ARHGEF4: variants seen among roughly 807,000 people sequenced by gnomAD.
ARHGEF4 encodes Rho guanine nucleotide exchange factor 4.
A neutral mutation model predicts 162.0 loss-of-function variants in ARHGEF4; 119 were observed. That is an observed-to-expected ratio of 0.73 (90% CI 0.63 to 0.86). The LOEUF is 0.86. Ranked by LOEUF, ARHGEF4 falls within the 40% of genes least tolerant of loss-of-function variation. The pLI is 0.00. For missense variants in ARHGEF4, 2,488 were observed against 2,456.0 expected, an observed-to-expected ratio of 1.01 and a Z score of -0.28; for synonymous variants, 1,014 against 979.9, an observed-to-expected ratio of 1.03 and a Z score of -0.65.
chr2:131,024,281 C>T (rs944416959), intron 4 of ARHGEF4, among the ~76,000 whole-genome samples: 15 of 152,042 alleles, frequency 9.9e-5, no homozygotes, highest in African/African-American at 2.2e-4. Flanking sequence ...GTTTTTTGGG[C>T]GGGGGGTGTT....
chr2:130,914,360 G>A lies in ARHGEF4; in HGVS notation c.414G>A (p.Glu138=). ...KEELDLSPSL[E]DDSCKNGWRA... ...AACTCGATTTGTCCCCTAGCTTAGA[G>A]GATGACTCTTGCAAAAATGGGTGGC... is the stretch of plus-strand genomic sequence containing the variant. Residue 138 remains glutamate (E), a synonymous_variant, in exon 2 of 14, where the codon GAG becomes GAA. Coordinates refer to ENST00000409359, the MANE Select transcript of ARHGEF4 (RefSeq NM_001367493.1). The A allele has an allele frequency of 1.4e-6, 2 of 1,452,626 alleles. No homozygotes were observed. Among genetic ancestry groups the A allele is most frequent in the Non-Finnish European group, 1.8e-6 (2 of 1,108,274 alleles). The allele number at this position is 1,452,626 out of a possible 1,614,324, so 90.0% of individuals were successfully genotyped here. A position where few individuals can be genotyped will look rare whatever the true frequency, so the allele number is the denominator to read the frequency against.
At chr2:130,934,960 C>T (rs1682849718) in intron 3 of ARHGEF4, among the ~76,000 whole-genome samples, 1 of 152,058 alleles carries the variant, frequency 6.6e-6, no homozygotes, top group African/African-American at 2.4e-5. Flanking sequence ...TCTTATAATC[C>T]TTTTAAATTT....
intron 1 of ARHGEF4, among the ~76,000 whole-genome samples, chr2:130,856,659 T>C (rs1681807149): frequency 1.3e-5 from 2 of 152,216 alleles, no homozygotes; most frequent in Non-Finnish European, 2.9e-5. Flanking sequence ...CCATGTATCA[T>C]TGTATTGGTG....
Position 130,914,766 on chromosome 2 carries a change from A to G in ARHGEF4, c.820A>G (p.Thr274Ala). 7.0e-7 allele frequency: 1 copy of G among 1,433,390 alleles called. No individual in the cohort carries two copies. The highest frequency in any genetic ancestry group is 9.1e-7 in the Non-Finnish European group (1 of 1,099,386). The allele number at this position is 1,433,390 out of a possible 1,614,324, so 88.8% of individuals were successfully genotyped here. ...GGGGACCAGGACAAAGAAGGAAAGT[A>G]CTCTAGGCCCTGCAGGGGACACAGA... Reference protein sequence around the residue: ...PLGTRTKKESTLGPAGDTELL... With the variant: ...PLGTRTKKESALGPAGDTELL... Residue 274 changes from threonine (T) to alanine (A), a missense_variant, in exon 2 of 14, where the codon ACT becomes GCT. Thr to Ala is a moderately conservative substitution (Grantham distance 58, BLOSUM62 0). This residue lies in a region of ARHGEF4 where 1,642 missense variants were observed against 1,481.5 expected (regional missense o/e 1.11). Coordinates refer to ENST00000409359, the MANE Select transcript of ARHGEF4 (RefSeq NM_001367493.1).
At chr2:130,848,029 G>T (rs897748393) in intron 1 of ARHGEF4, among the ~76,000 whole-genome samples, 1 of 152,234 alleles carries the variant, frequency 6.6e-6, no homozygotes, top group Non-Finnish European at 1.5e-5. Context: ...TGGTTGCAGG[G>T]GCTCTTCCAG....
At chr2:130,867,242 A>ATT (rs925137515) in intron 1 of ARHGEF4, among the ~76,000 whole-genome samples, 1 of 142,464 alleles carries the variant, frequency 7.0e-6, no homozygotes, top group South Asian at 2.1e-4. Context: ...TATTATTATT[A>ATT]TTTTTTTTTT....
chr2:130,958,046 G>T (rs1331971810), intron 4 of ARHGEF4, among the ~76,000 whole-genome samples: 1 of 151,590 alleles, frequency 6.6e-6, no homozygotes, highest in Non-Finnish European at 1.5e-5. Context: ...CAGGGGTAAA[G>T]GCTCCCCAAG....
intron 4 of ARHGEF4, among the ~76,000 whole-genome samples, chr2:131,015,630 T>C (rs571178737): frequency 1.3e-5 from 2 of 152,314 alleles, no homozygotes; most frequent in South Asian, 4.1e-4. Flanking sequence ...TGGCTCACGC[T>C]TGGAATCCCA....
At chr2:130,855,904 T>C (rs1202460208) in intron 1 of ARHGEF4, among the ~76,000 whole-genome samples, 2 of 152,198 alleles carry the variant, frequency 1.3e-5, no homozygotes, top group Non-Finnish European at 2.9e-5. Context: ...CAAGTATTAG[T>C]ATCAGAATTG....
intron 4 of ARHGEF4, 63 bp from the exon 5 acceptor site, chr2:131,027,882 G>T: frequency 6.3e-7 from 1 of 1,592,502 alleles, no homozygotes; most frequent in Non-Finnish European, 8.6e-7. Flanking sequence ...CCTTCTCCAC[G>T]TGTTCTCCCC....
chr2:130,872,464 C>T (rs1243958353), intron 1 of ARHGEF4, among the ~76,000 whole-genome samples: 1 of 152,132 alleles, frequency 6.6e-6, no homozygotes, highest in Non-Finnish European at 1.5e-5. Flanking sequence ...GCCCCCTGCC[C>T]AGGCCCCTTT....
intron 5 of ARHGEF4, among the ~76,000 whole-genome samples, chr2:131,032,854 T>TC (rs1172702594): frequency 0.02 from 2,360 of 119,648 alleles, 28 homozygotes; most frequent in African/African-American, 0.095. Flanking sequence ...TTTTCTTTTT[T>TC]TTTTTTTTTT....
intron 4 of ARHGEF4, among the ~76,000 whole-genome samples, chr2:130,960,564 C>T (rs1434450375): frequency 3.3e-5 from 5 of 152,120 alleles, no homozygotes. Context: ...TATCCTTGTT[C>T]AGCAACTCAT....
In ARHGEF4 at chr2:131,041,320, G is replaced by A. The variant is rs556538590; in HGVS notation, c.4753G>A (p.Val1585Met). ...LSRLTKLSKYVYFFEACRLLQ... is the reference protein window; with the variant it reads ...LSRLTKLSKYMYFFEACRLLQ... ...CCGGCTCACCAAGCTCAGCAAGTAC[G>A]TGTACTTCTTCGAGGCCTGCCGGCT... is the stretch of plus-strand genomic sequence containing the variant. Residue 1585 changes from valine (V) to methionine (M), a missense_variant, in exon 9 of 14, where the codon GTG (valine) becomes ATG (methionine). Physicochemically the swap from Val to Met is conservative, Grantham distance 21 (BLOSUM62 1). Coordinates refer to ENST00000409359, the MANE Select transcript of ARHGEF4 (RefSeq NM_001367493.1). 154 of 1,613,842 alleles carry A rather than the reference G, an allele frequency of 9.5e-5. 1 individual carries two copies. The highest frequency in any genetic ancestry group is 5.0e-4 in the Admixed American group (30 of 60,024).
rs74268786 is a variant in ARHGEF4 at position 130,957,604 on chromosome 2, T to C, written c.3985+10969T>C. ...AAATTGTACACTCGTGGGCTGGATG[T>C]TTGTGTTCCTCCAAAAATTCATGTG... On this transcript the variant is annotated intron_variant, in intron 4 of 13. Coordinates refer to ENST00000409359, the MANE Select transcript of ARHGEF4 (RefSeq NM_001367493.1). 1.8e-4 allele frequency among the ~76,000 whole-genome samples: 27 copies of C among 152,256 alleles called. No homozygotes were observed. The East Asian group carries it at 2.1e-3, about 12-fold the overall frequency.
chr2:130,993,560 T>A (rs1687190096), intron 4 of ARHGEF4, among the ~76,000 whole-genome samples: 1 of 152,128 alleles, frequency 6.6e-6, no homozygotes, highest in Admixed American at 6.5e-5. Flanking sequence ...GGATTTTTAT[T>A]TTTTTCTATT....
At chr2:130,995,027 C>T (rs541094722) in intron 4 of ARHGEF4, among the ~76,000 whole-genome samples, 30 of 152,234 alleles carry the variant, frequency 2.0e-4, no homozygotes, top group Non-Finnish European at 4.1e-4. Context: ...TGAAATTTTA[C>T]TCAGCTTACA....
At chr2:130,960,732 TA>T (rs933620885) in intron 4 of ARHGEF4, among the ~76,000 whole-genome samples, 1 of 152,146 alleles carries the variant, frequency 6.6e-6, no homozygotes, top group African/African-American at 2.4e-5. Flanking sequence ...TGAAGGCAGC[TA>T]AGTCTCCCTG....
At chr2:130,877,297 G>A (rs188296347) in intron 1 of ARHGEF4, among the ~76,000 whole-genome samples, 31 of 152,226 alleles carry the variant, frequency 2.0e-4, no homozygotes, top group Admixed American at 1.0e-3. Context: ...TTTAATTAAC[G>A]AATAAATATG....
Sources: allele counts gnomAD v4.1 joint callset (sites outside exome capture counted in the v4.1 genomes callset), GRCh38; gene constraint gnomAD v4.1.1; regional missense constraint gnomAD v4.1.1; transcripts MANE v1.5; gene names NCBI Gene and HGNC (gene_info 2026-07-23, HGNC 2026-07-21).